Variants in LRRC4C observed in about 807,000 individuals in gnomAD.
LRRC4C encodes leucine-rich repeat-containing protein 4C.
LRRC4C carries 5 observed loss-of-function variants against 33.6 expected under a neutral mutation model. The ratio of observed to expected loss-of-function variants is 0.15; its 90% confidence interval spans 0.08 to 0.31. The LOEUF (loss-of-function observed/expected upper bound fraction) is 0.31, where lower values mean the gene tolerates loss of function less well. Among genes scored for constraint, LRRC4C ranks in the 10% least tolerant of loss-of-function variants. LRRC4C has a pLI of 1.00. For synonymous variants in LRRC4C, 329 were observed against 302.0 expected (o/e 1.09, Z -0.93); for missense variants, 560 against 796.7 (o/e 0.70, Z 3.58).
At chr11:41,316,269 A>AAAAC (rs1555145041) in intron 1 of LRRC4C, among the ~76,000 whole-genome samples, 1 of 150,022 alleles carries the variant, frequency 6.7e-6, no homozygotes, top group Non-Finnish European at 1.5e-5. Flanking sequence ...TGGCAAAAAA[A>AAAAC]AAAAAAAAAA....
At chr11:40,789,273 T>C (rs1160566482) in intron 2 of LRRC4C, among the ~76,000 whole-genome samples, 4 of 152,068 alleles carry the variant, frequency 2.6e-5, no homozygotes, top group Non-Finnish European at 2.9e-5. Context: ...TCTGTTATTA[T>C]AAGTATAGTG....
intron 1 of LRRC4C, among the ~76,000 whole-genome samples, chr11:40,963,820 T>C (rs1339026834): frequency 1.3e-5 from 2 of 151,824 alleles, no homozygotes; most frequent in Non-Finnish European, 2.9e-5. Context: ...ACGATTTAAG[T>C]GTTTGACCTT....
intron 1 of LRRC4C, among the ~76,000 whole-genome samples, chr11:41,153,396 T>G (rs2135979258): frequency 6.6e-6 from 1 of 152,294 alleles, no homozygotes. Flanking sequence ...AAATATGTAC[T>G]GAATAAGTTT....
intron 1 of LRRC4C, among the ~76,000 whole-genome samples, chr11:41,338,881 T>C (rs998556013): frequency 6.6e-6 from 1 of 151,986 alleles, no homozygotes; most frequent in African/African-American, 2.4e-5. Context: ...ACAGATTCCA[T>C]AGATTCAGAT....
rs571253008 is a variant in LRRC4C, at chr11:40,453,147, A to G, written c.-269-133426T>C. Among the ~76,000 whole-genome samples, 8 of 151,624 alleles carry G rather than the reference A, an allele frequency of 5.3e-5. No individual in the cohort carries two copies. In the South Asian group the frequency reaches 1.1e-3, roughly 20 times the overall value. On this transcript the variant is annotated intron_variant, in intron 3 of 6. Transcript: ENST00000528697. ...GTATACATATGTAACAAACCTGCACATTGTGCACATGTACCCTAAAACTTA... is the reference window on the plus strand; with the variant it reads ...GTATACATATGTAACAAACCTGCACGTTGTGCACATGTACCCTAAAACTTA...
chr11:40,410,399 CA>C (rs1950115329), intron 3 of LRRC4C, among the ~76,000 whole-genome samples: 1 of 151,988 alleles, frequency 6.6e-6, no homozygotes, highest in Non-Finnish European at 1.5e-5. Context: ...AATTTACTTT[CA>C]CAGCTCCTGT....
At chr11:40,589,287 C>A (rs911535642) in intron 3 of LRRC4C, among the ~76,000 whole-genome samples, 1 of 152,078 alleles carries the variant, frequency 6.6e-6, no homozygotes. Context: ...TTATCAGAGA[C>A]TAGGATTGCA....
intron 2 of LRRC4C, among the ~76,000 whole-genome samples, chr11:40,697,884 A>G (rs1197325251): frequency 6.6e-6 from 1 of 151,994 alleles, no homozygotes; most frequent in African/African-American, 2.4e-5. Context: ...CCTGGCTAAC[A>G]CGGTGAAACT....
chr11:40,514,881 A>C (rs1447374676), intron 3 of LRRC4C, among the ~76,000 whole-genome samples: 7 of 152,186 alleles, frequency 4.6e-5, no homozygotes. Flanking sequence ...TTATCAAACC[A>C]ATTTAATTCT....
At chr11:40,907,807 T>A (rs1397242246) in intron 2 of LRRC4C, among the ~76,000 whole-genome samples, 1 of 152,242 alleles carries the variant, frequency 6.6e-6, no homozygotes, top group East Asian at 1.9e-4. Flanking sequence ...CTTCTCTAAG[T>A]CGCTTAAAAG....
chr11:40,199,364 C>G (rs1343122259), intron 5 of LRRC4C, among the ~76,000 whole-genome samples: 1 of 152,152 alleles, frequency 6.6e-6, no homozygotes, highest in East Asian at 1.9e-4. Flanking sequence ...AACCACTGCG[C>G]CCAGCCTGGC....
chr11:40,994,678 A>G (rs1009075914), intron 1 of LRRC4C, among the ~76,000 whole-genome samples: 17 of 152,070 alleles, frequency 1.1e-4, no homozygotes, highest in Non-Finnish European at 2.2e-4. Context: ...TGGCAACTAA[A>G]TTTTCTACCT....
chr11:40,715,343 A>G (rs1341044636), intron 2 of LRRC4C, among the ~76,000 whole-genome samples: 1 of 152,224 alleles, frequency 6.6e-6, no homozygotes, highest in Non-Finnish European at 1.5e-5. Context: ...AGACAATAAA[A>G]TGCCATTTCA....
At chr11:40,724,794 C>A (rs1947206071) in intron 2 of LRRC4C, among the ~76,000 whole-genome samples, 1 of 151,930 alleles carries the variant, frequency 6.6e-6, no homozygotes, top group Non-Finnish European at 1.5e-5. Context: ...ATGCAAAGAA[C>A]TAACAAAACA....
At chr11:40,754,333 C>CAGGTAGAT (rs1396813334) in intron 2 of LRRC4C, among the ~76,000 whole-genome samples, 3 of 152,100 alleles carry the variant, frequency 2.0e-5, no homozygotes, top group South Asian at 2.1e-4. Context: ...GGAATCTTCA[C>CAGGTAGAT]AGGTAGATAG....
At chr11:40,599,318 G>T (rs1353882385) in intron 3 of LRRC4C, among the ~76,000 whole-genome samples, 3 of 151,978 alleles carry the variant, frequency 2.0e-5, no homozygotes, top group Admixed American at 6.6e-5. Context: ...AGGTTTCGTG[G>T]CATGCATCTG....
At chr11:40,927,929 A>G (rs1202384691) in intron 2 of LRRC4C, among the ~76,000 whole-genome samples, 1 of 152,162 alleles carries the variant, frequency 6.6e-6, no homozygotes, top group East Asian at 1.9e-4. Flanking sequence ...CAGCGGGGGA[A>G]AAACATTCTT....
At chr11:41,305,281 GA>G (rs369312438) in intron 1 of LRRC4C, among the ~76,000 whole-genome samples, 2,803 of 43,238 alleles carry the variant, frequency 0.065, 737 homozygotes, top group African/African-American at 0.13. Flanking sequence ...GGAGGTGGGG[GA>G]GGGTCAGCCC....
chr11:41,451,171 A>T (rs1418753186), intron 1 of LRRC4C, among the ~76,000 whole-genome samples: 1 of 152,162 alleles, frequency 6.6e-6, no homozygotes, highest in East Asian at 1.9e-4. Context: ...AATAAATGAC[A>T]CCATCGAAAT....
Sources: allele counts gnomAD v4.1 joint callset (sites outside exome capture counted in the v4.1 genomes callset), GRCh38; gene constraint gnomAD v4.1.1; transcripts MANE v1.5; gene names NCBI Gene and HGNC (gene_info 2026-07-23, HGNC 2026-07-21).